RPS6KC1: variants seen among roughly 807,000 people sequenced by gnomAD.
RPS6KC1 encodes inactive ribosomal protein S6 kinase delta-1.
In RPS6KC1, 54 loss-of-function variants were observed where a neutral mutation model predicts 103.8. The observed-to-expected ratio is 0.52, with a 90% CI of 0.42 to 0.65. RPS6KC1 has a LOEUF of 0.65. Among genes scored for constraint, RPS6KC1 ranks in the 30% least tolerant of loss-of-function variants. The probability of loss-of-function intolerance (pLI) is 0.00; values close to 1 mark genes in which losing one functional copy is unlikely to be tolerated. For missense variants in RPS6KC1, 1,151 were observed against 1,253.8 expected, an observed-to-expected ratio of 0.92 and a Z score of 1.24; for synonymous variants, 439 against 438.7, an observed-to-expected ratio of 1.00 and a Z score of -0.01.
chr1:213,580,900 A>C, the RPS6KC1 span, among the ~76,000 whole-genome samples: 1 of 152,100 alleles, frequency 6.6e-6, no homozygotes, highest in African/African-American at 2.4e-5. Context: ...ACCGAAAAAA[A>C]TTCATGTGAT....
chr1:213,271,634 C>T (rs1372865491), intron 14 of RPS6KC1, among the ~76,000 whole-genome samples: 1 of 151,966 alleles, frequency 6.6e-6, no homozygotes, highest in Non-Finnish European at 1.5e-5. Context: ...CATGGTGGCG[C>T]GCGCCTGTAG....
chr1:213,841,938 C>G, the RPS6KC1 span: 4 of 152,224 alleles, frequency 2.6e-5, no homozygotes, highest in Admixed American at 6.5e-5. Flanking sequence ...CAGGTTAGCT[C>G]AAGACAACCT....
At chr1:213,798,071 T>A in the RPS6KC1 span, among the ~76,000 whole-genome samples, 4 of 152,310 alleles carry the variant, frequency 2.6e-5, no homozygotes, top group South Asian at 8.3e-4. Flanking sequence ...TCAAGATGCC[T>A]GAAACTCTGT....
chr1:213,532,027 G>A, the RPS6KC1 span, among the ~76,000 whole-genome samples: 1 of 152,246 alleles, frequency 6.6e-6, no homozygotes, highest in African/African-American at 2.4e-5. Context: ...TGGCACTGGA[G>A]AGTCAACAGG....
At chr1:213,427,881 C>T in the RPS6KC1 span, among the ~76,000 whole-genome samples, 1 of 152,216 alleles carries the variant, frequency 6.6e-6, no homozygotes, top group African/African-American at 2.4e-5. Context: ...TCTTACTCTT[C>T]CCTGAAAGTC....
the RPS6KC1 span, among the ~76,000 whole-genome samples, chr1:213,581,315 T>C: frequency 6.6e-6 from 1 of 152,114 alleles, no homozygotes; most frequent in Non-Finnish European, 1.5e-5. Flanking sequence ...TAAAATGACA[T>C]TTTAATGTTG....
the RPS6KC1 span, among the ~76,000 whole-genome samples, chr1:213,507,664 A>G: frequency 3.3e-5 from 5 of 151,280 alleles, no homozygotes; most frequent in South Asian, 2.1e-4. Flanking sequence ...GAATGGTTCT[A>G]TTACAGCATT....
At chr1:213,377,003 C>G in the RPS6KC1 span, among the ~76,000 whole-genome samples, 1 of 152,144 alleles carries the variant, frequency 6.6e-6, no homozygotes, top group Non-Finnish European at 1.5e-5. Context: ...CACTGGGGAC[C>G]AAGTAAGAGT....
chr1:213,431,497 G>T, the RPS6KC1 span, among the ~76,000 whole-genome samples: 1 of 151,926 alleles, frequency 6.6e-6, no homozygotes, highest in African/African-American at 2.4e-5. Context: ...TAATATTCTG[G>T]TTTCTATTGC....
At chr1:213,357,465 G>A in the RPS6KC1 span, among the ~76,000 whole-genome samples, 15 of 152,220 alleles carry the variant, frequency 9.9e-5, no homozygotes, top group Non-Finnish European at 1.8e-4. Flanking sequence ...GCAGAATCAC[G>A]AAAGATTAGA....
chr1:213,092,476 C>T (rs1048961675), intron 3 of RPS6KC1, among the ~76,000 whole-genome samples: 1 of 151,454 alleles, frequency 6.6e-6, no homozygotes, highest in Non-Finnish European at 1.5e-5. Context: ...TCGAGACAAT[C>T]CTGGCTAACA....
chr1:213,477,157 A>G, the RPS6KC1 span, among the ~76,000 whole-genome samples: 1 of 152,196 alleles, frequency 6.6e-6, no homozygotes. Flanking sequence ...AATGTGGTCT[A>G]ATGTAGGGCC....
At chr1:213,625,972 A>G in the RPS6KC1 span, among the ~76,000 whole-genome samples, 8 of 152,116 alleles carry the variant, frequency 5.3e-5, no homozygotes, top group African/African-American at 1.9e-4. Context: ...GTCAAATGGT[A>G]TTTCTAGTTC....
At chr1:213,631,193 T>C in the RPS6KC1 span, among the ~76,000 whole-genome samples, 3 of 152,128 alleles carry the variant, frequency 2.0e-5, no homozygotes, top group African/African-American at 7.2e-5. Context: ...CTTTGGCTCA[T>C]GCTCTGTGTG....
the RPS6KC1 span, among the ~76,000 whole-genome samples, chr1:213,779,283 C>T: frequency 8.5e-5 from 13 of 152,124 alleles, no homozygotes; most frequent in Admixed American, 5.9e-4. Flanking sequence ...AAACAATAGT[C>T]TTTGGATGGA....
the RPS6KC1 span, among the ~76,000 whole-genome samples, chr1:213,559,761 T>C: frequency 6.6e-6 from 1 of 152,206 alleles, no homozygotes; most frequent in African/African-American, 2.4e-5. Flanking sequence ...TTTTTTATAG[T>C]AACCACATTA....
the RPS6KC1 span, among the ~76,000 whole-genome samples, chr1:213,691,312 G>A: frequency 4.6e-5 from 7 of 152,332 alleles, no homozygotes; most frequent in Non-Finnish European, 7.3e-5. Context: ...GAGCGGATAT[G>A]CTGTCCTCTT....
intron 8 of RPS6KC1, among the ~76,000 whole-genome samples, chr1:213,215,781 C>T (rs1451584171): frequency 1.3e-5 from 2 of 152,114 alleles, no homozygotes; most frequent in Non-Finnish European, 2.9e-5. Flanking sequence ...CCAAACTAAG[C>T]TTCATAAGTG....
the RPS6KC1 span, among the ~76,000 whole-genome samples, chr1:213,710,838 T>C: frequency 1.3e-5 from 2 of 152,180 alleles, no homozygotes; most frequent in Non-Finnish European, 2.9e-5. Context: ...ATGTTGAAAA[T>C]TGGCCCCCAC....
Sources: gnomAD v4.1 joint callset for allele counts (sites outside exome capture counted in the v4.1 genomes callset) on GRCh38, gnomAD v4.1.1 for gene constraint, MANE v1.5 for transcripts, NCBI Gene and HGNC (gene_info 2026-07-23, HGNC 2026-07-21) for gene names.